RAPH1: variants seen among roughly 807,000 people sequenced by gnomAD.
RAPH1 encodes ras-associated and pleckstrin homology domains-containing protein 1.
Under a neutral mutation model 88.1 loss-of-function variants are expected in RAPH1, and 18 were observed. The ratio of observed to expected loss-of-function variants is 0.20; its 90% CI spans 0.14 to 0.30. The LOEUF is 0.30. Among genes scored for constraint, RAPH1 ranks in the 10% least tolerant of loss-of-function variants. The probability of loss-of-function intolerance (pLI) is 1.00; values close to 1 mark genes in which losing one functional copy is unlikely to be tolerated. For missense variants in RAPH1, 1,448 were observed against 1,543.2 expected, an observed-to-expected ratio of 0.94 and a Z score of 1.03; for synonymous variants, 587 against 559.0, an observed-to-expected ratio of 1.05 and a Z score of -0.71.
At chr2:203,527,660 C>A (rs903934061) in intron 1 of RAPH1, among the ~76,000 whole-genome samples, 2 of 151,770 alleles carry the variant, frequency 1.3e-5, no homozygotes, top group Non-Finnish European at 2.9e-5. Flanking sequence ...ATTAGCCGGG[C>A]GTGTTGGCGC....
At chr2:203,472,073 CAAAG>C (rs1336836093) in intron 4 of RAPH1, among the ~76,000 whole-genome samples, 1 of 150,718 alleles carries the variant, frequency 6.6e-6, no homozygotes, top group Non-Finnish European at 1.5e-5. Context: ...TTGGGAAAAA[CAAAG>C]AACAAAAAGC....
intron 4 of RAPH1, among the ~76,000 whole-genome samples, chr2:203,476,453 G>A (rs1319199931): frequency 2.6e-5 from 4 of 152,108 alleles, no homozygotes; most frequent in Admixed American, 2.0e-4. Flanking sequence ...TTACAGGTAT[G>A]AGCCAACACA....
At chr2:203,509,066 A>ATTTTT (rs34628795) in intron 1 of RAPH1, among the ~76,000 whole-genome samples, 2 of 120,480 alleles carry the variant, frequency 1.7e-5, no homozygotes, top group East Asian at 4.6e-4. Flanking sequence ...TTAAAAAATA[A>ATTTTT]TTTTTTTTTT....
intron 1 of RAPH1, among the ~76,000 whole-genome samples, chr2:203,506,856 C>CTATATATATA (rs1231672342): frequency 9.7e-5 from 3 of 30,782 alleles, no homozygotes; most frequent in East Asian, 6.7e-4. Flanking sequence ...CTATCTATAT[C>CTATATATATA]TATATATATA....
intron 1 of RAPH1, among the ~76,000 whole-genome samples, chr2:203,532,646 A>G (rs931560514): frequency 6.6e-6 from 1 of 152,204 alleles, no homozygotes; most frequent in African/African-American, 2.4e-5. Flanking sequence ...AAAGTGTTTA[A>G]AACAGTGTAC....
chr2:203,448,609 T>C lies in RAPH1; in HGVS notation c.1512+129A>G, dbSNP rs1451857851. Reference sequence around the variant, plus strand: ...AAGACAACATTTAAAACTTGAAACTTAGGCCTGAAAAACGTAGGCACTGGC... The same window carrying C: ...AAGACAACATTTAAAACTTGAAACTCAGGCCTGAAAAACGTAGGCACTGGC... On this transcript the variant is annotated intron_variant, in intron 11 of 13. Transcript: ENST00000319170. The surrounding 1 kb of genome is among the most constrained non-coding windows in gnomAD (Gnocchi z 4.1). The C allele has an allele frequency of 7.5e-6, 4 of 531,262 alleles. No homozygotes were observed. The highest frequency in any genetic ancestry group is 6.5e-6 in the Non-Finnish European group (2 of 305,754). The allele number at this position is 531,262 out of a possible 1,614,324, so 32.9% of individuals were successfully genotyped here.
At chr2:203,496,789 A>G (rs1262663151) in intron 1 of RAPH1, among the ~76,000 whole-genome samples, 1 of 152,214 alleles carries the variant, frequency 6.6e-6, no homozygotes, top group African/African-American at 2.4e-5. Flanking sequence ...CTTCTGTCCC[A>G]GGGACACAAT....
chr2:203,470,633 C>A (rs929325639), intron 4 of RAPH1, among the ~76,000 whole-genome samples: 3 of 152,232 alleles, frequency 2.0e-5, no homozygotes, highest in Admixed American at 2.0e-4. Context: ...CTCATGAATG[C>A]TGTGCACAGC....
At chr2:203,525,785 A>G (rs994523401) in intron 1 of RAPH1, among the ~76,000 whole-genome samples, 7 of 152,158 alleles carry the variant, frequency 4.6e-5, no homozygotes, top group African/African-American at 1.7e-4. Context: ...TCAGAAAAAC[A>G]AAACAAAAAA....
chr2:203,457,495 T>G, intron 8 of RAPH1, 35 bp downstream of exon 8: 1 of 1,575,564 alleles, frequency 6.3e-7, no homozygotes, highest in Non-Finnish European at 8.7e-7. Context: ...AATATTTTAA[T>G]TTTTAAATGT....
At position 203,437,371 on chromosome 2, in the gene RAPH1, A is replaced by C. The variant is rs944323138; in HGVS notation, c.*2066T>G. 3 of 152,180 alleles carry C rather than the reference A, an allele frequency of 2.0e-5. No individual in the cohort carries two copies. The highest frequency in any genetic ancestry group is 7.2e-5 in the African/African-American group (3 of 41,446). 9.4% of individuals were successfully genotyped at this position (152,180 alleles called of 1,614,324 possible). On this transcript the variant is annotated 3_prime_UTR_variant, in exon 14 of 14. Coordinates refer to ENST00000319170, the MANE Select transcript of RAPH1 (RefSeq NM_213589.3). ...ATATTCTTACTAACTCTAACCCACA[A>C]ATATGGGTGCCCCTCAAACTATAAA...
chr2:203,503,520 CT>C (rs1688839808), intron 1 of RAPH1, among the ~76,000 whole-genome samples: 1 of 152,170 alleles, frequency 6.6e-6, no homozygotes. Flanking sequence ...TTATCTCCCC[CT>C]GGGCCCCTCC....
chr2:203,521,051 T>G (rs547298116), intron 1 of RAPH1, among the ~76,000 whole-genome samples: 3 of 152,224 alleles, frequency 2.0e-5, no homozygotes, highest in South Asian at 4.1e-4. Flanking sequence ...ACGCAGGTTT[T>G]GGGGTTTTTG....
At chr2:203,528,369 C>G (rs1252314029) in intron 1 of RAPH1, among the ~76,000 whole-genome samples, 8 of 152,132 alleles carry the variant, frequency 5.3e-5, no homozygotes, top group Non-Finnish European at 1.2e-4. Flanking sequence ...GATTTTGAAT[C>G]CATTTATTAA....
Position 203,506,822 on chromosome 2 carries a change from A to ATATATATATCTATC in RAPH1, c.1-11470_1-11469insGATAGATATATATA, listed in dbSNP as rs1340756288. Among the ~76,000 whole-genome samples, 27 of 66,658 alleles carry ATATATATATCTATC rather than the reference A, an allele frequency of 4.1e-4. 2 individuals are homozygous for ATATATATATCTATC. The highest frequency in any genetic ancestry group is 1.9e-3 in the African/African-American group (26 of 13,710). The allele number at this position is 66,658 out of a possible 152,430, so 43.7% of individuals were successfully genotyped here. On this transcript the variant is annotated intron_variant, in intron 1 of 13. Transcript: ENST00000319170. ...TATATATATCTATATCTATATATCT[A>ATATATATATCTATC]TATATATATCTATATCTATATATCT...
At chr2:203,463,483 T>C (rs1007537529) in intron 4 of RAPH1, among the ~76,000 whole-genome samples, 2 of 152,230 alleles carry the variant, frequency 1.3e-5, no homozygotes, top group Non-Finnish European at 2.9e-5. Flanking sequence ...CTCCCATCAT[T>C]TCAAGCTTAG....
chr2:203,459,737 C>T lies in RAPH1; in HGVS notation c.1092+170G>A, dbSNP rs545702610. On this transcript the variant is annotated intron_variant, in intron 7 of 13. Coordinates refer to ENST00000319170, the MANE Select transcript of RAPH1 (RefSeq NM_213589.3). Reference sequence around the variant, plus strand: ...AACACGTGGGCACCAGCTGACTTTCCACCTCAGCAGCAGCAGCAGCAGCAG... The same window carrying T: ...AACACGTGGGCACCAGCTGACTTTCTACCTCAGCAGCAGCAGCAGCAGCAG... Among the ~76,000 whole-genome samples, 19 of 152,262 alleles carry T rather than the reference C, an allele frequency of 1.2e-4. No individual in the cohort carries two copies. In the South Asian group the frequency reaches 3.3e-3, roughly 27 times the overall value.
chr2:203,517,066 G>C (rs1024534981), intron 1 of RAPH1, among the ~76,000 whole-genome samples: 29 of 151,010 alleles, frequency 1.9e-4, no homozygotes, highest in African/African-American at 7.0e-4. Context: ...GAAAGAAAAA[G>C]TTTTTGTCAA....
intron 4 of RAPH1, chr2:203,477,064 T>C (rs183680128): frequency 6.2e-7 from 1 of 1,601,768 alleles, no homozygotes; most frequent in Non-Finnish European, 8.6e-7. Context: ...ATGGCATGTT[T>C]ATAGAACTTA....
Sources: allele counts gnomAD v4.1 joint callset (sites outside exome capture counted in the v4.1 genomes callset), GRCh38; gene constraint gnomAD v4.1.1; non-coding constraint Gnocchi (gnomAD v3.1); transcripts MANE v1.5; gene names NCBI Gene and HGNC (gene_info 2026-07-23, HGNC 2026-07-21).